The following CNTN4 variants were observed in gnomAD, a reference collection of about 807,000 sequenced individuals.
The protein encoded by CNTN4 is contactin 4.
Under a neutral mutation model 122.5 loss-of-function variants are expected in CNTN4, and 77 were observed. That is an observed-to-expected ratio of 0.63 (90% CI 0.52 to 0.76). The LOEUF (loss-of-function observed/expected upper bound fraction) is 0.76. Ranked by LOEUF, CNTN4 falls within the 30% of genes least tolerant of loss-of-function variation. The pLI is 0.00. For missense variants in CNTN4, 1,256 were observed against 1,259.1 expected (o/e 1.00, Z 0.04); for synonymous variants, 512 against 447.0 (o/e 1.15, Z -1.83).
chr3:2,286,243 C>A lies in CNTN4; in HGVS notation c.-144-52935C>A, dbSNP rs2041898899. 2.2e-5 allele frequency among the ~76,000 whole-genome samples: 3 copies of A among 139,070 alleles called. 1 individual carries two copies. The East Asian group carries it at 8.3e-4, about 38-fold the overall frequency. 91.2% of individuals were successfully genotyped at this position (139,070 alleles called of 152,430 possible). On this transcript the variant is annotated intron_variant, in intron 2 of 24. Coordinates refer to ENST00000418658, the MANE Select transcript of CNTN4 (RefSeq NM_175607.3). ...TGTGTGCATACACCCCCTGCCCCCC[C>A]CACAACATACACATACAAATACATA...
intron 14 of CNTN4, 44 bp downstream of exon 14, chr3:2,988,516 TC>T: frequency 6.2e-7 from 1 of 1,604,106 alleles, no homozygotes; most frequent in Non-Finnish European, 8.5e-7. Flanking sequence ...ATATGTGTCC[TC>T]GTGTCTAATA....
intron 3 of CNTN4, among the ~76,000 whole-genome samples, chr3:2,392,132 GC>G (rs1226887748): frequency 1.3e-5 from 2 of 152,166 alleles, no homozygotes; most frequent in African/African-American, 4.8e-5. Flanking sequence ...ATCAGATCCT[GC>G]CACACTGTCT....
intron 3 of CNTN4, among the ~76,000 whole-genome samples, chr3:2,463,557 C>T (rs955839566): frequency 2.0e-5 from 3 of 152,028 alleles, no homozygotes; most frequent in Non-Finnish European, 2.9e-5. Flanking sequence ...GTCAGGAGTT[C>T]GAGACCAGCC....
At chr3:2,708,727 T>TCTCTCACACA (rs1214979217) in intron 4 of CNTN4, among the ~76,000 whole-genome samples, 245 of 151,008 alleles carry the variant, frequency 1.6e-3, no homozygotes, top group Middle Eastern at 6.8e-3. Flanking sequence ...CACGCGCGCA[T>TCTCTCACACA]CACACACACA....
Position 2,773,762 on chromosome 3 carries a change from C to CTTT in CNTN4, c.358+28079_358+28081dup, listed in dbSNP as rs1234334638. Reference sequence around the variant, plus strand: ...GAAGCCTTCATCTCAATGTAGTAGACTTTTTTTTTTTTTTTTGAGACGGAG... The same window carrying CTTT: ...GAAGCCTTCATCTCAATGTAGTAGACTTTTTTTTTTTTTTTTTTTGAGACGGAG... On this transcript the variant is annotated intron_variant, in intron 6 of 24. Coordinates refer to ENST00000418658, the MANE Select transcript of CNTN4 (RefSeq NM_175607.3). Among the ~76,000 whole-genome samples, 4 of 107,542 alleles carry CTTT rather than the reference C, an allele frequency of 3.7e-5. 1 individual carries two copies. The highest frequency in any genetic ancestry group is 6.9e-5 in the African/African-American group (2 of 28,786). The allele number at this position is 107,542 out of a possible 152,430, so 70.6% of individuals were successfully genotyped here. A position where few individuals can be genotyped will look rare whatever the true frequency, so the allele number is the denominator to read the frequency against.
At chr3:2,319,838 G>A (rs1025519794) in intron 2 of CNTN4, among the ~76,000 whole-genome samples, 1 of 152,100 alleles carries the variant, frequency 6.6e-6, no homozygotes, top group African/African-American at 2.4e-5. Flanking sequence ...ATTCTTTTTG[G>A]TGTATATAGA....
At chr3:2,696,973 G>T (rs951742544) in intron 4 of CNTN4, among the ~76,000 whole-genome samples, 1 of 152,148 alleles carries the variant, frequency 6.6e-6, no homozygotes. Flanking sequence ...GGAACGGAAG[G>T]TTGCGAATTA....
chr3:2,850,280 G>A (rs571227844), intron 7 of CNTN4, among the ~76,000 whole-genome samples: 64 of 152,212 alleles, frequency 4.2e-4, no homozygotes, highest in African/African-American at 1.4e-3. Context: ...GAGCCTCCGC[G>A]CCTGGCCAGC....
intron 4 of CNTN4, among the ~76,000 whole-genome samples, chr3:2,677,518 C>CTATCTATG (rs1231723781): frequency 6.9e-6 from 1 of 145,036 alleles, no homozygotes; most frequent in East Asian, 2.0e-4. Flanking sequence ...ATCTATCTAT[C>CTATCTATG]TATCTGTAGA....
chr3:2,736,991 C>G (rs376730582), intron 5 of CNTN4, among the ~76,000 whole-genome samples: 1 of 151,732 alleles, frequency 6.6e-6, no homozygotes, highest in Non-Finnish European at 1.5e-5. Context: ...ATCATGTTGA[C>G]CAGGCTGATC....
intron 3 of CNTN4, among the ~76,000 whole-genome samples, chr3:2,431,902 G>A (rs2048087492): frequency 6.6e-6 from 1 of 152,104 alleles, no homozygotes; most frequent in African/African-American, 2.4e-5. Context: ...ACTAAAGAGA[G>A]AGTTGGGTGA....
intron 8 of CNTN4, among the ~76,000 whole-genome samples, chr3:2,868,245 C>G (rs1232874907): frequency 6.6e-6 from 1 of 152,142 alleles, no homozygotes; most frequent in East Asian, 1.9e-4. Flanking sequence ...ATATGATAAA[C>G]ATTTTCTTTT....
chr3:2,123,798 A>C (rs1363620534), intron 2 of CNTN4, among the ~76,000 whole-genome samples: 1 of 152,186 alleles, frequency 6.6e-6, no homozygotes, highest in Middle Eastern at 3.2e-3. Flanking sequence ...ACTGATCAAA[A>C]CTATGTTTGG....
chr3:2,153,201 A>G (rs766130466), intron 2 of CNTN4, among the ~76,000 whole-genome samples: 5 of 152,204 alleles, frequency 3.3e-5, no homozygotes, highest in African/African-American at 7.2e-5. Flanking sequence ...CGTCATTGGC[A>G]TACCAATGGT....
intron 13 of CNTN4, among the ~76,000 whole-genome samples, chr3:2,970,256 G>A (rs184199246): frequency 2.9e-4 from 44 of 151,798 alleles, no homozygotes; most frequent in African/African-American, 9.7e-4. Flanking sequence ...CCCCACACCC[G>A]GCCGATTCTT....
chr3:2,674,013 G>T (rs1047704199), intron 4 of CNTN4, among the ~76,000 whole-genome samples: 21 of 152,192 alleles, frequency 1.4e-4, no homozygotes, highest in Non-Finnish European at 7.3e-5. Flanking sequence ...ACATTTCAGT[G>T]AGGCCATCTC....
chr3:2,790,722 G>A (rs944914722), intron 6 of CNTN4, among the ~76,000 whole-genome samples: 2 of 152,150 alleles, frequency 1.3e-5, no homozygotes, highest in Non-Finnish European at 2.9e-5. Context: ...TCCACCTTCT[G>A]TAAAAGCAGT....
At chr3:2,368,902 A>C in intron 3 of CNTN4, among the ~76,000 whole-genome samples, 1 of 152,118 alleles carries the variant, frequency 6.6e-6, no homozygotes. Context: ...CCTAAGACTA[A>C]AGCACAGAAA....
At chr3:3,010,189 G>A (rs1364009311) in intron 14 of CNTN4, among the ~76,000 whole-genome samples, 2 of 152,154 alleles carry the variant, frequency 1.3e-5, no homozygotes, top group East Asian at 3.9e-4. Flanking sequence ...GATGGGGAGG[G>A]TTAGTCACCT....
Sources: gnomAD v4.1 joint callset for allele counts (sites outside exome capture counted in the v4.1 genomes callset) on GRCh38, gnomAD v4.1.1 for gene constraint, MANE v1.5 for transcripts, NCBI Gene and HGNC (gene_info 2026-07-23, HGNC 2026-07-21) for gene names.